KIAA0319L: variants seen among roughly 807,000 people sequenced by gnomAD.
KIAA0319L encodes the protein dyslexia-associated protein KIAA0319-like protein.
In KIAA0319L, 55 loss-of-function variants were observed where a neutral mutation model predicts 120.1. The ratio of observed to expected loss-of-function variants is 0.46; its 90% CI spans 0.37 to 0.57. The LOEUF is 0.57. KIAA0319L is among the 20% of genes least tolerant of loss of function. KIAA0319L has a pLI of 0.00. For missense variants in KIAA0319L, 1,049 were observed against 1,255.3 expected (o/e 0.84, Z 2.48); for synonymous variants, 398 against 471.9 (o/e 0.84, Z 2.03).
At position 35,450,471 on chromosome 1, in the gene KIAA0319L, C is replaced by T. The variant is rs1458437866; in HGVS notation, c.2101G>A (p.Val701Met). ...GTGCTCGTGGGTAGGGTAATCACCA[C>T]ATTCCCAGTTATCTTGGCTATAGGT... is the stretch of plus-strand genomic sequence containing the variant. ...KPPIAKITGN[V>M]VITLPTSTAE... The change falls in exon 14 of 21, where the codon GTG (valine) becomes ATG (methionine). Residue 701 changes from valine (V) to methionine (M), a missense_variant. By Grantham distance (21) the Val-to-Met change is conservative (BLOSUM62 1). Coordinates refer to ENST00000325722, the MANE Select transcript of KIAA0319L (RefSeq NM_024874.5). The T allele has an allele frequency of 5.0e-6, 8 of 1,614,068 alleles. No individual in the cohort carries two copies. The highest frequency in any genetic ancestry group is 6.8e-6 in the Non-Finnish European group (8 of 1,179,892).
At position 35,444,191 on chromosome 1, in the gene KIAA0319L, T is replaced by G. The variant is rs769834330; in HGVS notation, c.2626A>C (p.Ile876Leu). The G allele has an allele frequency of 3.1e-6, 5 of 1,607,524 alleles. No homozygotes were observed. The highest frequency in any genetic ancestry group is 3.4e-5 in the Admixed American group (2 of 58,794). The change falls in exon 17 of 21, where the codon ATA becomes CTA. Residue 876 changes from isoleucine (I) to leucine (L), a missense_variant. Ile to Leu is a conservative substitution (Grantham distance 5). Transcript: ENST00000325722. ...ELRKQKADFLIFRALEVNTVT... is the reference protein window; with the variant it reads ...ELRKQKADFLLFRALEVNTVT... ...GTGTTGACTTCCAAGGCTCTGAATA[T>G]CAAAAAGTCTGCCTTTTGCTTCCGC...
chr1:35,451,910 T>A, intron 12 of KIAA0319L, 134 bp from the exon 13 acceptor site: 1 of 912,484 alleles, frequency 1.1e-6, no homozygotes, highest in Non-Finnish European at 1.6e-6. Context: ...AAGACATGTT[T>A]AAAAATATTT....
In KIAA0319L at chr1:35,446,139, A is replaced by G. The variant is rs76472364; in HGVS notation, c.2514-1836T>C. 7.7e-3 allele frequency among the ~76,000 whole-genome samples: 1,167 copies of G among 151,892 alleles called. 14 individuals carry two copies. Among genetic ancestry groups the G allele is most frequent in the African/African-American group, 0.027 (1,120 of 41,486 alleles). On this transcript the variant is annotated intron_variant, in intron 16 of 20. Transcript: ENST00000325722. ...CCCCACTCCAGACCAACTGAACTATAATCTCTGGGGCTAAGGCTTGGGCAG... is the reference window on the plus strand; with the variant it reads ...CCCCACTCCAGACCAACTGAACTATGATCTCTGGGGCTAAGGCTTGGGCAG...
chr1:35,442,319 C>A lies in KIAA0319L; in HGVS notation c.2797G>T (p.Val933Phe), dbSNP rs1244113961. 6.2e-7 allele frequency: 1 copy of A among 1,613,628 alleles called. No individual in the cohort carries two copies. Among genetic ancestry groups the A allele is most frequent in the Admixed American group, 1.7e-5 (1 of 60,024 alleles). Residue 933 changes from valine (V) to phenylalanine (F), a missense_variant, in exon 19 of 21, where the codon GTT (valine) becomes TTT (phenylalanine). Val to Phe is a conservative substitution (Grantham distance 50, BLOSUM62 -1). Coordinates refer to ENST00000325722, the MANE Select transcript of KIAA0319L (RefSeq NM_024874.5). The part of the protein sequence containing the change: ...DSNCEWSVLY[V>F]IIATFVIVVA... ...ACAATGACAAAGGTAGCAATGATAA[C>A]ATATAACACGCTCCACTCTGCCAAG...
rs1270599870 is a variant in KIAA0319L, at chr1:35,484,791, TATATATATA to T, written c.667-5588_667-5580del. Among the ~76,000 whole-genome samples the T allele has an allele frequency of 4.0e-3, 261 of 65,488 alleles. 3 individuals are homozygous for T. Among genetic ancestry groups the T allele is most frequent in the African/African-American group, 0.013 (245 of 19,066 alleles). 43.0% of individuals were successfully genotyped at this position (65,488 alleles called of 152,430 possible). ...TCATATATATATATATATATATATA[TATATATATA>T]TATATATTTTTTTTTTTATTATACT... On this transcript the variant is annotated intron_variant, in intron 3 of 20. Coordinates refer to ENST00000325722, the MANE Select transcript of KIAA0319L (RefSeq NM_024874.5).
chr1:35,498,964 G>T (rs564526255), intron 3 of KIAA0319L, among the ~76,000 whole-genome samples: 5 of 152,122 alleles, frequency 3.3e-5, no homozygotes, highest in Non-Finnish European at 5.9e-5. Flanking sequence ...GCATTAGTGG[G>T]GTCTAATGAC....
At chr1:35,526,355 GTGTA>G (rs1281083595) in intron 2 of KIAA0319L, among the ~76,000 whole-genome samples, 2 of 144,320 alleles carry the variant, frequency 1.4e-5, no homozygotes, top group African/African-American at 5.1e-5. Context: ...ACGTGTGTGT[GTGTA>G]TATATATACA....
At chr1:35,474,947 C>T in intron 4 of KIAA0319L, 41 bp from the exon 5 acceptor site, 4 of 1,099,048 alleles carry the variant, frequency 3.6e-6, no homozygotes, top group South Asian at 2.6e-5. Flanking sequence ...GAAATAGATC[C>T]AGACTGTCTT....
intron 4 of KIAA0319L, among the ~76,000 whole-genome samples, chr1:35,478,061 C>G (rs915197757): frequency 3.3e-5 from 5 of 152,094 alleles, no homozygotes; most frequent in African/African-American, 1.2e-4. Flanking sequence ...TGGAGTACTA[C>G]TCAGCCATAA....
chr1:35,550,899 A>G (rs1647175622), intron 2 of KIAA0319L, among the ~76,000 whole-genome samples: 1 of 152,166 alleles, frequency 6.6e-6, no homozygotes, highest in South Asian at 2.1e-4. Flanking sequence ...AAGACTGGAT[A>G]GTATCCCACC....
chr1:35,501,990 C>G (rs1645023840), intron 3 of KIAA0319L, among the ~76,000 whole-genome samples: 1 of 150,174 alleles, frequency 6.7e-6, no homozygotes, highest in East Asian at 2.0e-4. Context: ...ATTTATAAAA[C>G]AGGAACGGGC....
At chr1:35,486,892 C>T (rs1003266913) in intron 3 of KIAA0319L, among the ~76,000 whole-genome samples, 1 of 152,096 alleles carries the variant, frequency 6.6e-6, no homozygotes, top group African/African-American at 2.4e-5. Context: ...GCCTGGGCAA[C>T]AGAATGAGAC....
chr1:35,530,940 A>G (rs747356391), intron 2 of KIAA0319L, among the ~76,000 whole-genome samples: 3 of 152,186 alleles, frequency 2.0e-5, no homozygotes, highest in Non-Finnish European at 4.4e-5. Context: ...TGGCATGGCA[A>G]CAGCAGCAGC....
chr1:35,544,909 A>G (rs1646926467), intron 2 of KIAA0319L, among the ~76,000 whole-genome samples: 1 of 152,178 alleles, frequency 6.6e-6, no homozygotes, highest in South Asian at 2.1e-4. Context: ...AGTGAGCCCC[A>G]TAACTGCCCA....
At chr1:35,447,760 T>C (rs866550755) in intron 16 of KIAA0319L, among the ~76,000 whole-genome samples, 1 of 151,836 alleles carries the variant, frequency 6.6e-6, no homozygotes, top group Non-Finnish European at 1.5e-5. Flanking sequence ...TCTGTAGAGG[T>C]GGGGTCTTGT....
chr1:35,520,688 A>C (rs546019984), intron 2 of KIAA0319L, among the ~76,000 whole-genome samples: 19 of 152,264 alleles, frequency 1.2e-4, no homozygotes, highest in African/African-American at 4.3e-4. Flanking sequence ...CATTCTTTTC[A>C]AAATTGAAGC....
At chr1:35,514,301 T>C (rs1645589810) in intron 2 of KIAA0319L, among the ~76,000 whole-genome samples, 1 of 150,538 alleles carries the variant, frequency 6.6e-6, no homozygotes, top group Admixed American at 6.6e-5. Flanking sequence ...AGTAAACACA[T>C]ATGAAATCAA....
chr1:35,542,459 T>G (rs1472733669), intron 2 of KIAA0319L, among the ~76,000 whole-genome samples: 1 of 152,206 alleles, frequency 6.6e-6, no homozygotes, highest in Non-Finnish European at 1.5e-5. Context: ...AACCTCTCTC[T>G]GGAACTTATC....
At chr1:35,519,846 A>G (rs534601659) in intron 2 of KIAA0319L, among the ~76,000 whole-genome samples, 10 of 152,290 alleles carry the variant, frequency 6.6e-5, no homozygotes, top group African/African-American at 2.4e-4. Context: ...CTCCAATTCT[A>G]TAGTCCATTG....
Sources: allele counts gnomAD v4.1 joint callset (sites outside exome capture counted in the v4.1 genomes callset), GRCh38; gene constraint gnomAD v4.1.1; transcripts MANE v1.5; gene names NCBI Gene and HGNC (gene_info 2026-07-23, HGNC 2026-07-21).